Variants in GREB1 observed in about 807,000 individuals in gnomAD.
The protein encoded by GREB1 is protein GREB1.
In GREB1, 106 loss-of-function variants were observed where a neutral mutation model predicts 200.7. The observed-to-expected ratio is 0.53, with a 90% CI of 0.45 to 0.62. The LOEUF is 0.62. GREB1 is among the 20% of genes least tolerant of loss of function. The pLI is 0.00. For missense variants in GREB1, 2,243 were observed against 2,556.8 expected, an observed-to-expected ratio of 0.88 and a Z score of 2.65; for synonymous variants, 1,132 against 1,092.4, an observed-to-expected ratio of 1.04 and a Z score of -0.72.
chr2:11,560,172 G>A (rs1676855905), intron 2 of GREB1, among the ~76,000 whole-genome samples: 1 of 152,192 alleles, frequency 6.6e-6, no homozygotes. Flanking sequence ...TAAAGATGCA[G>A]GATCAGATGC....
At chr2:11,514,432 C>T (rs368436771) in intron 1 of GREB1, among the ~76,000 whole-genome samples, 26 of 152,350 alleles carry the variant, frequency 1.7e-4, no homozygotes, top group Admixed American at 1.6e-3. Context: ...CCTTTGCCAA[C>T]ATCCACTACC....
intron 23 of GREB1, among the ~76,000 whole-genome samples, chr2:11,624,674 C>T (rs1176744440): frequency 6.6e-6 from 1 of 152,188 alleles, no homozygotes; most frequent in South Asian, 2.1e-4. Context: ...CATTGTGTTA[C>T]AATTACCTGC....
intron 1 of GREB1, among the ~76,000 whole-genome samples, chr2:11,552,927 G>A (rs1352138271): frequency 4.0e-5 from 6 of 148,354 alleles, no homozygotes; most frequent in African/African-American, 7.7e-5. Context: ...GGAGAATGGC[G>A]TGAACCCGGG....
intron 1 of GREB1, among the ~76,000 whole-genome samples, chr2:11,500,866 A>G (rs751228389): frequency 2.0e-5 from 3 of 152,208 alleles, no homozygotes; most frequent in Non-Finnish European, 4.4e-5. Context: ...GAGTAAGAGG[A>G]ATGGCAGAAG....
chr2:11,618,119 T>TCGCCCCTGAGATGGGC (rs1683592157), intron 21 of GREB1, among the ~76,000 whole-genome samples, 169 bp from the exon 22 acceptor site: 1 of 151,936 alleles, frequency 6.6e-6, no homozygotes, highest in Non-Finnish European at 1.5e-5. Flanking sequence ...CTGGGACGAG[T>TCGCCCCTGAGATGGGC]CGCCCCTGAG....
At chr2:11,486,139 C>T (rs145856403) in intron 1 of GREB1, among the ~76,000 whole-genome samples, 193 of 152,288 alleles carry the variant, frequency 1.3e-3, no homozygotes, top group Non-Finnish European at 1.9e-3. Context: ...TGACTTTGGG[C>T]AGTTCATAGA....
Position 11,642,478 on chromosome 2 carries a change from G to T in GREB1, c.*2024G>T, listed in dbSNP as rs577669805. On this transcript the variant is annotated 3_prime_UTR_variant, in exon 33 of 33. Transcript: ENST00000381486. ...CCTAGACATTTATAAGCACTCTAAT[G>T]GATAACAATCCAAGAATAAATGATT... The T allele has an allele frequency of 3.9e-5, 6 of 152,096 alleles. No homozygotes were observed. In the South Asian group the frequency reaches 1.2e-3, roughly 32 times the overall value. The allele number at this position is 152,096 out of a possible 1,614,324, so 9.4% of individuals were successfully genotyped here.
intron 3 of GREB1, among the ~76,000 whole-genome samples, chr2:11,564,300 C>T (rs58738000): frequency 6.6e-6 from 1 of 151,656 alleles, no homozygotes. Flanking sequence ...CTCTTCCAGG[C>T]AAGGGGAAGG....
rs376907059 is a variant in GREB1 at position 11,640,384 on chromosome 2, G to T, written c.5780G>T (p.Arg1927Leu). ...GAGGACGAGTGGCAGTTCCGGCTGCGCGATGAGTTCCAGACCGCCAATGCC... is the reference window on the plus strand; with the variant it reads ...GAGGACGAGTGGCAGTTCCGGCTGCTCGATGAGTTCCAGACCGCCAATGCC... ...ELEDEWQFRL[R>L]DEFQTANARE... is the part of the protein sequence containing the mutation. The change falls in exon 33 of 33, where the codon CGC becomes CTC. Residue 1927 changes from arginine (R) to leucine (L), a missense_variant. Arg to Leu is a moderately radical substitution (Grantham distance 102, BLOSUM62 -2). This residue lies in a region of GREB1 where 478 missense variants were observed against 616.3 expected (regional missense o/e 0.78). Coordinates refer to ENST00000381486, the MANE Select transcript of GREB1 (RefSeq NM_014668.4). This position sits in a 1 kb window ranked among gnomAD's most constrained non-coding sequence, Gnocchi z 4.6. 1.9e-6 allele frequency: 3 copies of T among 1,614,206 alleles called. No homozygotes were observed. Among genetic ancestry groups the T allele is most frequent in the Non-Finnish European group, 2.5e-6 (3 of 1,180,040 alleles).
At chr2:11,587,395 T>C (rs775235944) in intron 9 of GREB1, 1 of 1,612,410 alleles carries the variant, frequency 6.2e-7, no homozygotes, top group South Asian at 1.1e-5. Flanking sequence ...TTGTAAATGG[T>C]GCTACCCAAA....
upstream of GREB1, among the ~76,000 whole-genome samples, chr2:11,533,447 G>A (rs957030323): frequency 2.0e-5 from 3 of 152,210 alleles, no homozygotes; most frequent in African/African-American, 7.2e-5. Context: ...GGGAGTGAGG[G>A]AGGCTGTCCA....
intron 3 of GREB1, among the ~76,000 whole-genome samples, chr2:11,565,743 C>A (rs900679369): frequency 6.6e-6 from 1 of 152,168 alleles, no homozygotes; most frequent in Non-Finnish European, 1.5e-5. Context: ...TGTGTCCTGG[C>A]CGCCAGTCCT....
At chr2:11,541,001 G>A (rs1247943103) in intron 1 of GREB1, among the ~76,000 whole-genome samples, 1 of 152,214 alleles carries the variant, frequency 6.6e-6, no homozygotes, top group Admixed American at 6.5e-5. Flanking sequence ...GTTGGCTGGG[G>A]AATTCTTCCA....
At chr2:11,539,636 A>G (rs1029856715) in intron 1 of GREB1, among the ~76,000 whole-genome samples, 2 of 152,152 alleles carry the variant, frequency 1.3e-5, no homozygotes, top group African/African-American at 4.8e-5. Flanking sequence ...GAATCAGTTT[A>G]ACTGTTGGTG....
At position 11,566,605 on chromosome 2, in the gene GREB1, G is replaced by A. The variant is rs372268268; in HGVS notation, c.403G>A (p.Ala135Thr). ...PSLPDHLLVC[A>T]VDKRFLPDDN... is the part of the protein sequence containing the mutation. ...CCTGCCGGACCATCTCCTGGTGTGCGCCGTTGACAAGAGGTTCTTGCCAGA... is the reference window on the plus strand; with the variant it reads ...CCTGCCGGACCATCTCCTGGTGTGCACCGTTGACAAGAGGTTCTTGCCAGA... The change falls in exon 4 of 33, where the codon GCC becomes ACC. Residue 135 changes from alanine (A) to threonine (T), a missense_variant. Physicochemically the swap from Ala to Thr is moderately conservative, Grantham distance 58. Coordinates refer to ENST00000381486, the MANE Select transcript of GREB1 (RefSeq NM_014668.4). 14 of 1,613,936 alleles carry A rather than the reference G, an allele frequency of 8.7e-6. No individual in the cohort carries two copies. The highest frequency in any genetic ancestry group is 3.3e-5 in the South Asian group (3 of 91,074).
At chr2:11,494,794 C>A (rs560877799) in intron 1 of GREB1, among the ~76,000 whole-genome samples, 33 of 152,198 alleles carry the variant, frequency 2.2e-4, no homozygotes, top group Admixed American at 9.2e-4. Flanking sequence ...ATAATCAACA[C>A]CCATGGGGTG....
At chr2:11,517,303 TC>T (rs1220751541) in intron 1 of GREB1, 1 of 152,632 alleles carries the variant, frequency 6.6e-6, no homozygotes. Flanking sequence ...TTCGGCTCCC[TC>T]CGCTCCAACC....
intron 26 of GREB1, 30 bp from the exon 27 acceptor site, chr2:11,631,879 A>G (rs530910120): frequency 3.2e-6 from 5 of 1,538,588 alleles, no homozygotes; most frequent in South Asian, 2.2e-5. Context: ...ATTTACAAAC[A>G]CTCTACCTCA....
chr2:11,610,649 G>A (rs779661760), intron 17 of GREB1, 39 bp from the exon 18 acceptor site: 17 of 1,480,174 alleles, frequency 1.1e-5, no homozygotes, highest in South Asian at 4.9e-5. Context: ...GCCGGTGGGC[G>A]CGGCCGTCAC....
Sources: gnomAD v4.1 joint callset for allele counts (sites outside exome capture counted in the v4.1 genomes callset) on GRCh38, gnomAD v4.1.1 for gene constraint, gnomAD v4.1.1 regional missense constraint, Gnocchi (gnomAD v3.1) non-coding constraint, MANE v1.5 for transcripts, NCBI Gene and HGNC (gene_info 2026-07-23, HGNC 2026-07-21) for gene names.